The following KRT39 variants were observed in gnomAD, a reference collection of about 807,000 sequenced individuals.
KRT39 encodes keratin 39.
A neutral mutation model predicts 54.8 loss-of-function variants in KRT39; 47 were observed. That is an observed-to-expected ratio of 0.86 (90% CI 0.68 to 1.09). KRT39 has a LOEUF of 1.09. Among genes scored for constraint, KRT39 ranks in the 50% least tolerant of loss-of-function variants. The probability of loss-of-function intolerance (pLI) is 0.00; values close to 1 mark genes in which losing one functional copy is unlikely to be tolerated. For missense variants in KRT39, 580 were observed against 598.5 expected, an observed-to-expected ratio of 0.97 and a Z score of 0.32; for synonymous variants, 207 against 227.9, an observed-to-expected ratio of 0.91 and a Z score of 0.83.
rs1911345357 is a variant in KRT39 at position 40,965,383 on chromosome 17, C to CATAA, written c.469-859_469-856dup. 2.0e-5 allele frequency among the ~76,000 whole-genome samples: 3 copies of CATAA among 151,818 alleles called. 1 individual carries two copies. The highest frequency in any genetic ancestry group is 2.0e-4 in the Admixed American group (3 of 15,204). ...GAGTGAGACTCCATCTCAATAAATA[C>CATAA]ATAAATAAATAAATAAAAAATAAAA... On this transcript the variant is annotated intron_variant, in intron 1 of 6. Transcript: ENST00000355612.
Position 40,963,749 on chromosome 17 carries a change from CTACCAGCTGGCGTAGA to C in KRT39, c.570_585del (p.Leu191SerfsTer11). 1.2e-6 allele frequency: 2 copies of C among 1,603,932 alleles called. No homozygotes were observed. Among genetic ancestry groups the C allele is most frequent in the Non-Finnish European group, 1.7e-6 (2 of 1,172,078 alleles). ...TGCTTGAGGCCATTGGCATCTGACT[CTACCAGCTGGCGTAGA>C]GACACCTCAGCTTCGTATCTTTAAA... is the stretch of plus-strand genomic sequence containing the variant. On this transcript the variant is annotated frameshift_variant, in exon 3 of 7. Coordinates refer to ENST00000355612, the MANE Select transcript of KRT39 (RefSeq NM_213656.4). LOFTEE classifies it high-confidence loss of function.
intron 2 of KRT39, 99 bp downstream of exon 2, chr17:40,964,347 G>A: frequency 1.1e-6 from 1 of 930,648 alleles, no homozygotes. Flanking sequence ...CATCATCTGG[G>A]GCAAGAGGGT....
intron 5 of KRT39, chr17:40,960,826 C>A (rs1911122481): frequency 2.8e-6 from 1 of 360,838 alleles, no homozygotes; most frequent in African/African-American, 2.1e-5. Flanking sequence ...TTAATGCACA[C>A]CCAGGCATTA....
At position 40,966,419 on chromosome 17, in the gene KRT39, G is replaced by A. The variant is rs141448883; in HGVS notation, c.438C>T (p.Tyr146=). 629 of 1,613,948 alleles carry A rather than the reference G, an allele frequency of 3.9e-4. 3 individuals are homozygous for A. In the African/African-American group the frequency reaches 7.5e-3, roughly 19 times the overall value. ...GCTGGAGCTCCTCAATGGTAGTGTA[G>A]TAAGACAGGTAATCAGGACATAGAA... is the stretch of plus-strand genomic sequence containing the variant. ...LPVLCPDYLS[Y]YTTIEELQQK... Residue 146 remains tyrosine (Y), a synonymous_variant, in exon 1 of 7, where the codon TAC becomes TAT. Coordinates refer to ENST00000355612, the MANE Select transcript of KRT39 (RefSeq NM_213656.4).
At position 40,963,800 on chromosome 17, in the gene KRT39, G is replaced by C; in HGVS notation, c.552-17C>G. Reference sequence around the variant, plus strand: ...GCTTCGTATCTTTAAAAACCAGATGGGAAAAGAGAGACATCTGAAAGGAGA... The same window carrying C: ...GCTTCGTATCTTTAAAAACCAGATGCGAAAAGAGAGACATCTGAAAGGAGA... On this transcript the variant is annotated splice_polypyrimidine_tract_variant and intron_variant, in intron 2 of 6. Transcript: ENST00000355612. The C allele has an allele frequency of 6.4e-7, 1 of 1,558,800 alleles. No individual in the cohort carries two copies. The highest frequency in any genetic ancestry group is 8.8e-7 in the Non-Finnish European group (1 of 1,139,944).
intron 5 of KRT39, among the ~76,000 whole-genome samples, chr17:40,961,728 AC>A (rs926039108): frequency 6.6e-6 from 1 of 151,954 alleles, no homozygotes; most frequent in African/African-American, 2.4e-5. Flanking sequence ...TAATTATGCC[AC>A]CCCCCCTCTT....
At position 40,960,391 on chromosome 17, in the gene KRT39, C is replaced by T; in HGVS notation, c.1107G>A (p.Arg369=). Residue 369 remains arginine (R), a synonymous_variant, in exon 6 of 7, where the codon CGG becomes CGA. Transcript: ENST00000355612. ...DNLEAQLAEI[R]CALERQNQEY... is the part of the protein sequence containing the mutation. ...CTTGGTTCTGTCTTTCCAGGGCACACCGGATCTCTGCCAGCTGAGCTTCCA... is the reference window on the plus strand; with the variant it reads ...CTTGGTTCTGTCTTTCCAGGGCACATCGGATCTCTGCCAGCTGAGCTTCCA... 6.2e-6 allele frequency: 10 copies of T among 1,614,112 alleles called. No individual in the cohort carries two copies. Among genetic ancestry groups the T allele is most frequent in the Non-Finnish European group, 8.5e-6 (10 of 1,180,008 alleles).
rs1911015134 is a variant in KRT39, at chr17:40,958,837, T to C, written c.1240A>G (p.Thr414Ala). The C allele has an allele frequency of 1.9e-6, 3 of 1,607,844 alleles. No individual in the cohort carries two copies. Among genetic ancestry groups the C allele is most frequent in the Non-Finnish European group, 2.5e-6 (3 of 1,176,850 alleles). ...GTCCAAGGGGAAGGCTCACATTTGG[T>C]GGCACGTGGGTAACAGGGACGCCTA... ...DGKRPCYPRA[T>A]KCEPSPWTSC... The change falls in exon 7 of 7, where the codon ACC becomes GCC. Residue 414 changes from threonine (T) to alanine (A), a missense_variant. Coordinates refer to ENST00000355612, the MANE Select transcript of KRT39 (RefSeq NM_213656.4).
In KRT39 at chr17:40,960,489, C is replaced by T. The variant is rs1449299942; in HGVS notation, c.1009G>A (p.Glu337Lys). ...GCCTCTGTCTCCGTTAGGATGCACT[C>T]TTGGGAATCTCTCTACCATGGAGAA... ...QAQHRMRDSQ[E>K]CILTETEARY... The change falls in exon 6 of 7, where the codon GAG becomes AAG. Residue 337 changes from glutamate to lysine, a missense_variant. Glu to Lys is a moderately conservative substitution (Grantham distance 56). Transcript: ENST00000355612. The T allele has an allele frequency of 1.2e-6, 2 of 1,613,512 alleles. No individual in the cohort carries two copies. Among genetic ancestry groups the T allele is most frequent in the South Asian group, 1.1e-5 (1 of 91,072 alleles).
At chr17:40,963,465 C>T (rs1174738907) in intron 3 of KRT39, among the ~76,000 whole-genome samples, 162 bp downstream of exon 3, 1 of 152,202 alleles carries the variant, frequency 6.6e-6, no homozygotes, top group Admixed American at 6.5e-5. Context: ...GACTCAGTTA[C>T]ACTTCTGTCC....
chr17:40,962,418 T>C lies in KRT39; in HGVS notation c.854A>G (p.Gln285Arg). Residue 285 changes from glutamine to arginine, a missense_variant, in exon 4 of 7, where the codon CAG (glutamine) becomes CGG (arginine). Coordinates refer to ENST00000355612, the MANE Select transcript of KRT39 (RefSeq NM_213656.4). ...ATCCCCCACCTGCGTGTTGAACCAC[T>C]GTTCCACATCTTTGCGGTTTGTCTC... ...IMETNRKDVE[Q>R]WFNTQIEELN... 6.2e-7 allele frequency: 1 copy of C among 1,614,194 alleles called. No individual in the cohort carries two copies. The highest frequency in any genetic ancestry group is 1.1e-5 in the South Asian group (1 of 91,066).
chr17:40,962,369 G>A, intron 4 of KRT39, 33 bp downstream of exon 4: 1 of 1,612,902 alleles, frequency 6.2e-7, no homozygotes, highest in South Asian at 1.1e-5. Context: ...TGCAGCATCA[G>A]CTTATTGTTT....
Position 40,966,912 on chromosome 17 carries a change from C to T in KRT39, c.-56G>A, listed in dbSNP as rs1157573385. ...TCTGTGGTCACCAGGATGAAAAGCT[C>T]AAGCCACCTCCACAGAGTCTGAATT... On this transcript the variant is annotated 5_prime_UTR_variant, in exon 1 of 7. Coordinates refer to ENST00000355612, the MANE Select transcript of KRT39 (RefSeq NM_213656.4). 18 of 1,252,264 alleles carry T rather than the reference C, an allele frequency of 1.4e-5. No individual in the cohort carries two copies. The highest frequency in any genetic ancestry group is 2.1e-5 in the Non-Finnish European group (18 of 860,900). 77.6% of individuals were successfully genotyped at this position (1,252,264 alleles called of 1,614,324 possible).
At position 40,959,922 on chromosome 17, in the gene KRT39, G is replaced by A. The variant is rs373283998; in HGVS notation, c.1217+359C>T. Among the ~76,000 whole-genome samples, 6 of 152,134 alleles carry A rather than the reference G, an allele frequency of 3.9e-5. No homozygotes were observed. The East Asian group carries it at 5.8e-4, about 15-fold the overall frequency. The stretch of plus-strand genomic sequence containing the variant: ...TTGTACAAGCTCATGAAAATCAGAC[G>A]TTCATCTCAGTGGGGAAACATCTGT... On this transcript the variant is annotated intron_variant, in intron 6 of 6. Coordinates refer to ENST00000355612, the MANE Select transcript of KRT39 (RefSeq NM_213656.4).
Position 40,960,336 on chromosome 17 carries a change from G to A in KRT39, c.1162C>T (p.Arg388Trp), listed in dbSNP as rs373222864. 3.2e-5 allele frequency: 52 copies of A among 1,613,894 alleles called. No homozygotes were observed. The highest frequency in any genetic ancestry group is 1.6e-4 in the African/African-American group (12 of 74,992). The change falls in exon 6 of 7, where the codon CGG becomes TGG. Residue 388 changes from arginine to tryptophan, a missense_variant. Physicochemically the swap from Arg to Trp is moderately radical, Grantham distance 101 (BLOSUM62 -3). Coordinates refer to ENST00000355612, the MANE Select transcript of KRT39 (RefSeq NM_213656.4). ...EYEILLDVKS[R>W]LECEITTYRS... ...TATGTGGTAATCTCACATTCCAGCC[G>A]GGACTTGACGTCCAGCAGGATCTCG...
In KRT39 at chr17:40,962,237, G is replaced by C; in HGVS notation, c.921C>G (p.Cys307Trp). 6.2e-7 allele frequency: 1 copy of C among 1,614,202 alleles called. No homozygotes were observed. The highest frequency in any genetic ancestry group is 8.5e-7 in the Non-Finnish European group (1 of 1,180,022). Residue 307 changes from cysteine (C) to tryptophan (W), a missense_variant, in exon 5 of 7, where the codon TGC (cysteine) becomes TGG (tryptophan). Cys to Trp is a radical substitution (Grantham distance 215, BLOSUM62 -2). Transcript: ENST00000355612. ...TCAGTTCTATGATCTCCTTTTGGCA[G>C]CATTGCTGCTGTTGAGAGCTGGTCA... ...QVVTSSQQQQ[C>W]CQKEIIELRR...
Position 40,962,520 on chromosome 17 carries a change from A to G in KRT39, c.752T>C (p.Ile251Thr). 1 of 1,614,160 alleles carries G rather than the reference A, an allele frequency of 6.2e-7. No individual in the cohort carries two copies. Among genetic ancestry groups the G allele is most frequent in the Non-Finnish European group, 8.5e-7 (1 of 1,180,028 alleles). ...AGCAGAAGGGGCAGCAGTCACTTCA[A>G]TGTCAAGTCTCTCCCCAAGCTGACA... ...LQCQLGERLD[I>T]EVTAAPSADL... The change falls in exon 4 of 7, where the codon ATT (isoleucine) becomes ACT (threonine). Residue 251 changes from isoleucine to threonine, a missense_variant. Transcript: ENST00000355612.
chr17:40,962,274 T>G lies in KRT39; in HGVS notation c.884A>C (p.Asn295Thr), dbSNP rs1230005238. The G allele has an allele frequency of 6.2e-7, 1 of 1,614,238 alleles. No individual in the cohort carries two copies. Among genetic ancestry groups the G allele is most frequent in the African/African-American group, 1.3e-5 (1 of 75,060 alleles). The change falls in exon 5 of 7, where the codon AAT becomes ACT. Residue 295 changes from asparagine (N) to threonine (T), a missense_variant. Coordinates refer to ENST00000355612, the MANE Select transcript of KRT39 (RefSeq NM_213656.4). ...QWFNTQIEELNQQVVTSSQQQ... is the reference protein window; with the variant it reads ...QWFNTQIEELTQQVVTSSQQQ... ...TTGAGAGCTGGTCACCACTTGTTGA[T>G]TCAGCTCCTCTATCTGAAACACACA...
At chr17:40,963,182 T>G (rs1370865862) in intron 3 of KRT39, among the ~76,000 whole-genome samples, 3 of 152,224 alleles carry the variant, frequency 2.0e-5, no homozygotes, top group Non-Finnish European at 4.4e-5. Context: ...GGTTTGGCTC[T>G]GTGTCCCCAC....
Sources: gnomAD v4.1 joint callset for allele counts (sites outside exome capture counted in the v4.1 genomes callset) on GRCh38, gnomAD v4.1.1 for gene constraint, MANE v1.5 for transcripts, NCBI Gene and HGNC (gene_info 2026-07-23, HGNC 2026-07-21) for gene names.